PLD5: variants seen among roughly 807,000 people sequenced by gnomAD.
PLD5 encodes inactive phospholipase D5.
PLD5 carries 36 observed loss-of-function variants against 61.1 expected under a neutral mutation model. The observed-to-expected ratio is 0.59, with a 90% CI of 0.45 to 0.78. The LOEUF is 0.78. Ranked by LOEUF, PLD5 falls within the 30% of genes least tolerant of loss-of-function variation. PLD5 has a pLI of 0.00. For synonymous variants in PLD5, 243 were observed against 242.8 expected, an observed-to-expected ratio of 1.00 and a Z score of -0.01; for missense variants, 515 against 644.4, an observed-to-expected ratio of 0.80 and a Z score of 2.17.
chr1:242,249,531 A>G (rs1273167957), intron 4 of PLD5, among the ~76,000 whole-genome samples: 1 of 152,230 alleles, frequency 6.6e-6, no homozygotes, highest in East Asian at 1.9e-4. Context: ...GCAAAAAACA[A>G]CCAGGGGGTA....
At chr1:242,268,216 T>C (rs962819101) in intron 3 of PLD5, among the ~76,000 whole-genome samples, 8 of 152,160 alleles carry the variant, frequency 5.3e-5, no homozygotes, top group Admixed American at 2.0e-4. Flanking sequence ...GATGTGTGCA[T>C]GGCCCAGATT....
chr1:242,194,841 C>T (rs1469252368), intron 5 of PLD5, among the ~76,000 whole-genome samples: 1 of 151,904 alleles, frequency 6.6e-6, no homozygotes, highest in African/African-American at 2.4e-5. Flanking sequence ...GATGCAAAGG[C>T]ATAACAATGA....
At chr1:242,458,761 C>T (rs1028997882) in intron 1 of PLD5, among the ~76,000 whole-genome samples, 15 of 152,202 alleles carry the variant, frequency 9.9e-5, no homozygotes, top group African/African-American at 3.6e-4. Context: ...CTTGTATTGA[C>T]TCATCCTTTA....
intron 1 of PLD5, among the ~76,000 whole-genome samples, chr1:242,517,316 AT>A (rs1328245441): frequency 6.6e-6 from 1 of 152,180 alleles, no homozygotes; most frequent in Non-Finnish European, 1.5e-5. Flanking sequence ...ATTAACTGTG[AT>A]TCTTTTTAAA....
At chr1:242,297,636 T>G (rs893621579) in intron 2 of PLD5, among the ~76,000 whole-genome samples, 6 of 128,646 alleles carry the variant, frequency 4.7e-5, no homozygotes, top group East Asian at 2.1e-4. Flanking sequence ...TTTTTTTTTT[T>G]TTTTTTTTTT....
chr1:242,091,677 GCTCA>G (rs1659834606), intron 9 of PLD5, among the ~76,000 whole-genome samples: 1 of 152,044 alleles, frequency 6.6e-6, no homozygotes, highest in Non-Finnish European at 1.5e-5. Flanking sequence ...CATGCTGTCA[GCTCA>G]CTCACACATA....
intron 4 of PLD5, among the ~76,000 whole-genome samples, chr1:242,251,996 A>G (rs1464271106): frequency 1.3e-5 from 2 of 152,206 alleles, no homozygotes; most frequent in Non-Finnish European, 2.9e-5. Context: ...TCAGTAAGTA[A>G]GAGACATGAT....
intron 1 of PLD5, among the ~76,000 whole-genome samples, chr1:242,375,527 G>T (rs941180194): frequency 6.6e-6 from 1 of 152,156 alleles, no homozygotes; most frequent in African/African-American, 2.4e-5. Context: ...ACACCTGACA[G>T]CAGCAAGACC....
intron 6 of PLD5, among the ~76,000 whole-genome samples, chr1:242,121,644 A>G (rs1662366398): frequency 6.6e-6 from 1 of 152,172 alleles, no homozygotes; most frequent in Non-Finnish European, 1.5e-5. Context: ...ATGCACACAT[A>G]TGTTTATTGC....
Position 242,108,365 on chromosome 1 carries a change from A to G in PLD5, c.1071-526T>C, listed in dbSNP as rs149756488. Reference sequence around the variant, plus strand: ...GCCTCCCATGTCTCCCCTGCCTTCCACGTTTTCTGCAGGGTCTTTGGAATC... The same window carrying G: ...GCCTCCCATGTCTCCCCTGCCTTCCGCGTTTTCTGCAGGGTCTTTGGAATC... On this transcript the variant is annotated intron_variant, in intron 7 of 9. Coordinates refer to ENST00000536534, the MANE Select transcript of PLD5 (RefSeq NM_001372062.1). 3.9e-3 allele frequency among the ~76,000 whole-genome samples: 589 copies of G among 152,084 alleles called. 4 individuals are homozygous for G. Among genetic ancestry groups the G allele is most frequent in the South Asian group, 0.017 (81 of 4,812 alleles).
intron 5 of PLD5, among the ~76,000 whole-genome samples, chr1:242,189,082 AGG>A (rs1174308489): frequency 6.6e-6 from 1 of 152,238 alleles, no homozygotes; most frequent in Non-Finnish European, 1.5e-5. Context: ...TAAAAAGAGA[AGG>A]GAGCATAACT....
At chr1:242,157,724 C>T (rs1665498715) in intron 5 of PLD5, among the ~76,000 whole-genome samples, 1 of 152,168 alleles carries the variant, frequency 6.6e-6, no homozygotes, top group Non-Finnish European at 1.5e-5. Flanking sequence ...CTCTAAAGGC[C>T]ACCTGCCAGT....
chr1:242,377,554 T>TA, intron 1 of PLD5: 1 of 546,622 alleles, frequency 1.8e-6, no homozygotes, highest in Non-Finnish European at 3.3e-6. Flanking sequence ...TACGATTTCA[T>TA]ACTCTAGATA....
chr1:242,447,160 G>A (rs188774701), intron 1 of PLD5, among the ~76,000 whole-genome samples: 185 of 152,258 alleles, frequency 1.2e-3, no homozygotes, highest in African/African-American at 3.9e-3. Flanking sequence ...CTTAAAAGTC[G>A]TCTGCAATTT....
At chr1:242,136,877 G>A (rs917668311) in intron 5 of PLD5, among the ~76,000 whole-genome samples, 4 of 152,182 alleles carry the variant, frequency 2.6e-5, no homozygotes, top group African/African-American at 9.7e-5. Flanking sequence ...ATCCGGGATG[G>A]GAGACAGTCC....
Position 242,207,804 on chromosome 1 carries a change from ATATATT to A in PLD5, c.735+12178_735+12183del, listed in dbSNP as rs1438565825. On this transcript the variant is annotated intron_variant, in intron 5 of 9. Transcript: ENST00000536534. The stretch of plus-strand genomic sequence containing the variant: ...TATATTTATATTTATATATATTTAT[ATATATT>A]TATATTTATATATTTATATATATTT... Among the ~76,000 whole-genome samples the A allele has an allele frequency of 1.2e-3, 110 of 90,912 alleles. 10 individuals carry two copies. Among genetic ancestry groups the A allele is most frequent in the African/African-American group, 4.5e-3 (82 of 18,328 alleles). The allele number at this position is 90,912 out of a possible 152,430, so 59.6% of individuals were successfully genotyped here.
chr1:242,419,850 TCA>T (rs1402326694), intron 1 of PLD5, among the ~76,000 whole-genome samples: 1 of 152,156 alleles, frequency 6.6e-6, no homozygotes, highest in East Asian at 1.9e-4. Flanking sequence ...GTGCCACAAC[TCA>T]CACCACTGTA....
chr1:242,239,026 T>C (rs1229205875), intron 4 of PLD5, among the ~76,000 whole-genome samples: 1 of 152,210 alleles, frequency 6.6e-6, no homozygotes, highest in Non-Finnish European at 1.5e-5. Flanking sequence ...TTCTATATTA[T>C]GTCATGAAGT....
At chr1:242,286,025 C>G (rs1313343861) in intron 3 of PLD5, among the ~76,000 whole-genome samples, 1 of 152,110 alleles carries the variant, frequency 6.6e-6, no homozygotes, top group African/African-American at 2.4e-5. Flanking sequence ...AGGAGAATTG[C>G]TTGAACCCAG....
Sources: allele counts gnomAD v4.1 joint callset (sites outside exome capture counted in the v4.1 genomes callset), GRCh38; gene constraint gnomAD v4.1.1; transcripts MANE v1.5; gene names NCBI Gene and HGNC (gene_info 2026-07-23, HGNC 2026-07-21).